RSBN1: variants seen among roughly 807,000 people sequenced by gnomAD.
RSBN1 encodes the protein round spermatid basic protein 1.
RSBN1 carries 23 observed loss-of-function variants against 74.8 expected under a neutral mutation model. The observed-to-expected ratio is 0.31, with a 90% CI of 0.22 to 0.44. RSBN1 has a LOEUF of 0.44. RSBN1 is among the 20% of genes least tolerant of loss of function. RSBN1 has a pLI of 1.00. For synonymous variants in RSBN1, 407 were observed against 379.6 expected (o/e 1.07, Z -0.84); for missense variants, 808 against 1,020.9 (o/e 0.79, Z 2.84).
chr1:113,769,819 T>A (rs1303243871), intron 4 of RSBN1, among the ~76,000 whole-genome samples: 3 of 152,098 alleles, frequency 2.0e-5, no homozygotes, highest in Non-Finnish European at 2.9e-5. Flanking sequence ...CCAGGCATAA[T>A]AATGATGAAC....
At position 113,812,375 on chromosome 1, in the gene RSBN1, C is replaced by T. The variant is rs1203833613; in HGVS notation, c.38G>A (p.Arg13Lys). Residue 13 changes from arginine to lysine, a missense_variant, in exon 1 of 7, where the codon AGG becomes AAG. Coordinates refer to ENST00000261441, the MANE Select transcript of RSBN1 (RefSeq NM_018364.5). ...TGGGCATTGGAGTCTCTCCTCCGCC[C>T]TCCACTTGTCGGCCGTTCTTCGTCC... ...ISGRRTADKWRAEERLQCPAG... is the reference protein window; with the variant it reads ...ISGRRTADKWKAEERLQCPAG... The T allele has an allele frequency of 4.4e-6, 7 of 1,602,242 alleles. No homozygotes were observed. In the Admixed American group the frequency reaches 1.0e-4, roughly 23 times the overall value.
At chr1:113,767,915 A>G (rs1211338017) in intron 5 of RSBN1, 1 of 210,616 alleles carries the variant, frequency 4.7e-6, no homozygotes, top group African/African-American at 2.3e-5. Flanking sequence ...AAATATGTAA[A>G]GTAGTCAAAT....
intron 6 of RSBN1, 61 bp downstream of exon 6, chr1:113,767,038 T>C: frequency 1.1e-6 from 1 of 896,474 alleles, no homozygotes; most frequent in South Asian, 1.7e-5. Context: ...AAATTCAAAA[T>C]AAAATGGGTA....
At position 113,811,760 on chromosome 1, in the gene RSBN1, T is replaced by C; in HGVS notation, c.653A>G (p.Glu218Gly). Reference sequence around the variant, plus strand: ...CACCCCTCCAGTCCTCTCGCCGTTTTCCTGCTTGTCCTTGTGCTTGAGATC... The same window carrying C: ...CACCCCTCCAGTCCTCTCGCCGTTTCCCTGCTTGTCCTTGTGCTTGAGATC... ...GTDLKHKDKQ[E>G]NGERTGGVPL... Residue 218 changes from glutamate (E) to glycine (G), a missense_variant, in exon 1 of 7, where the codon GAA becomes GGA. Coordinates refer to ENST00000261441, the MANE Select transcript of RSBN1 (RefSeq NM_018364.5). 1 of 1,613,240 alleles carries C rather than the reference T, an allele frequency of 6.2e-7. No individual in the cohort carries two copies. The highest frequency in any genetic ancestry group is 8.5e-7 in the Non-Finnish European group (1 of 1,179,650).
At chr1:113,808,597 C>T (rs528197924) in intron 1 of RSBN1, among the ~76,000 whole-genome samples, 12 of 152,036 alleles carry the variant, frequency 7.9e-5, no homozygotes, top group Non-Finnish European at 1.6e-4. Flanking sequence ...CTTTCTTATA[C>T]GGGAATGATT....
chr1:113,775,276 T>TC (rs1164957003), intron 4 of RSBN1, among the ~76,000 whole-genome samples: 6 of 151,774 alleles, frequency 4.0e-5, no homozygotes, highest in Non-Finnish European at 8.8e-5. Context: ...CCGCCTGCCT[T>TC]GGCCTCCCAA....
chr1:113,765,085 T>C lies in RSBN1; in HGVS notation c.*895A>G, dbSNP rs539623122. 2.0e-4 allele frequency: 31 copies of C among 152,436 alleles called. No homozygotes were observed. Among genetic ancestry groups the C allele is most frequent in the African/African-American group, 7.0e-4 (29 of 41,564 alleles). 9.4% of individuals were successfully genotyped at this position (152,436 alleles called of 1,614,324 possible). Reference sequence around the variant, plus strand: ...GTGACAAGAATAGTTTATCATAAGATTGATGCTCAAAATATGGCAGCCTCA... The same window carrying C: ...GTGACAAGAATAGTTTATCATAAGACTGATGCTCAAAATATGGCAGCCTCA... On this transcript the variant is annotated 3_prime_UTR_variant, in exon 7 of 7. Transcript: ENST00000261441.
At chr1:113,773,400 A>G (rs912531080) in intron 4 of RSBN1, among the ~76,000 whole-genome samples, 2 of 152,180 alleles carry the variant, frequency 1.3e-5, no homozygotes, top group Admixed American at 1.3e-4. Flanking sequence ...GGTGCACGCC[A>G]GTAATCCCAG....
At chr1:113,772,325 G>A (rs187789633) in intron 4 of RSBN1, among the ~76,000 whole-genome samples, 1 of 151,710 alleles carries the variant, frequency 6.6e-6, no homozygotes, top group African/African-American at 2.4e-5. Context: ...ATCAAAACCT[G>A]TATAAAAACA....
At chr1:113,810,570 A>ATAATAAGTATTTATT (rs1353370225) in intron 1 of RSBN1, among the ~76,000 whole-genome samples, 21 of 152,224 alleles carry the variant, frequency 1.4e-4, no homozygotes, top group Non-Finnish European at 2.9e-4. Context: ...GCTATTCAAT[A>ATAATAAGTATTTATT]AATACTTATT....
At chr1:113,804,153 T>A (rs534878619) in intron 1 of RSBN1, among the ~76,000 whole-genome samples, 3 of 151,976 alleles carry the variant, frequency 2.0e-5, no homozygotes, top group Admixed American at 6.6e-5. Context: ...CTAGAGTCTA[T>A]CTCACAGAGT....
At chr1:113,772,576 C>G (rs1305096427) in intron 4 of RSBN1, among the ~76,000 whole-genome samples, 1 of 152,082 alleles carries the variant, frequency 6.6e-6, no homozygotes, top group African/African-American at 2.4e-5. Flanking sequence ...CTCTAGAGTT[C>G]ATAAATCCAA....
At chr1:113,810,384 AACAC>A (rs113663525) in intron 1 of RSBN1, among the ~76,000 whole-genome samples, 1,971 of 146,710 alleles carry the variant, frequency 0.013, 46 homozygotes, top group African/African-American at 0.044. Flanking sequence ...GTACAGTTAA[AACAC>A]ACACACACAC....
At chr1:113,780,685 CT>C (rs992668671) in intron 2 of RSBN1, among the ~76,000 whole-genome samples, 6 of 152,280 alleles carry the variant, frequency 3.9e-5, no homozygotes, top group African/African-American at 1.4e-4. Context: ...AGGTTCACAC[CT>C]TTGTGTGAGT....
intron 1 of RSBN1, among the ~76,000 whole-genome samples, chr1:113,810,992 T>G (rs1249182749): frequency 6.6e-6 from 1 of 152,196 alleles, no homozygotes; most frequent in Admixed American, 6.5e-5. Context: ...AATTAACAGA[T>G]CCACAAAGTG....
At position 113,812,435 on chromosome 1, in the gene RSBN1, T is replaced by A; in HGVS notation, c.-23A>T. 1.3e-6 allele frequency: 2 copies of A among 1,568,808 alleles called. No individual in the cohort carries two copies. Reference sequence around the variant, plus strand: ...CATGCCGGAAGCGGCCGTTCCCAGCTTTTCTCCGCAGGCCTCTCCAACCGA... The same window carrying A: ...CATGCCGGAAGCGGCCGTTCCCAGCATTTCTCCGCAGGCCTCTCCAACCGA... On this transcript the variant is annotated 5_prime_UTR_variant, in exon 1 of 7. In the 5' UTR this introduces an upstream ATG that the reference lacks. Coordinates refer to ENST00000261441, the MANE Select transcript of RSBN1 (RefSeq NM_018364.5).
intron 4 of RSBN1, among the ~76,000 whole-genome samples, chr1:113,776,525 TG>T (rs1428083144): frequency 6.6e-6 from 1 of 152,040 alleles, no homozygotes; most frequent in African/African-American, 2.4e-5. Context: ...GTTTTGAAAA[TG>T]TATTAAGTTT....
intron 1 of RSBN1, among the ~76,000 whole-genome samples, chr1:113,808,867 AGTG>A (rs1029009716): frequency 2.6e-5 from 4 of 152,206 alleles, no homozygotes; most frequent in African/African-American, 9.6e-5. Context: ...TCTTGATTGT[AGTG>A]GTGGTTACAC....
chr1:113,767,143 C>T lies in RSBN1; in HGVS notation c.1891G>A (p.Val631Ile). ...TGAAGATCTAACTGAAGTCTTTGTA[C>T]AACATCAGTAAAATCCTCAGCATGA... ...CFHAEDFTDV[V>I]QRLQLDLHEP... Residue 631 changes from valine to isoleucine, a missense_variant, in exon 6 of 7, where the codon GTA becomes ATA. Coordinates refer to ENST00000261441, the MANE Select transcript of RSBN1 (RefSeq NM_018364.5). The T allele has an allele frequency of 6.2e-7, 1 of 1,611,812 alleles. No homozygotes were observed. The highest frequency in any genetic ancestry group is 2.2e-5 in the East Asian group (1 of 44,770).
Sources: gnomAD v4.1 joint callset for allele counts (sites outside exome capture counted in the v4.1 genomes callset) on GRCh38, gnomAD v4.1.1 for gene constraint, MANE v1.5 for transcripts, NCBI Gene and HGNC (gene_info 2026-07-23, HGNC 2026-07-21) for gene names.